Variants in PDE7B observed in about 807,000 individuals in gnomAD.
The protein encoded by PDE7B is 3',5'-cyclic-AMP phosphodiesterase 7B.
In PDE7B, 29 loss-of-function variants were observed where a neutral mutation model predicts 56.2. The ratio of observed to expected loss-of-function variants is 0.52; its 90% CI spans 0.38 to 0.70. PDE7B has a LOEUF of 0.70. PDE7B is among the 30% of genes least tolerant of loss of function. The pLI is 0.00. For synonymous variants in PDE7B, 197 were observed against 196.9 expected (o/e 1.00, Z 0.00); for missense variants, 490 against 565.0 (o/e 0.87, Z 1.35).
At chr6:136,113,289 G>C (rs1777779491) in intron 3 of PDE7B, among the ~76,000 whole-genome samples, 1 of 152,066 alleles carries the variant, frequency 6.6e-6, no homozygotes. Flanking sequence ...GTACAATTTT[G>C]TTAAAAATAA....
intron 1 of PDE7B, among the ~76,000 whole-genome samples, chr6:135,870,296 T>C (rs1031655625): frequency 6.6e-6 from 1 of 152,154 alleles, no homozygotes; most frequent in Admixed American, 6.5e-5. Flanking sequence ...GGAGCTGGGC[T>C]CCTTGGTGGC....
At chr6:135,958,418 A>G (rs1483323651) in intron 2 of PDE7B, among the ~76,000 whole-genome samples, 1 of 152,150 alleles carries the variant, frequency 6.6e-6, no homozygotes, top group East Asian at 1.9e-4. Context: ...CCCCAAAACA[A>G]TGTTAGGCTT....
At chr6:135,991,444 A>T (rs1775478011) in intron 2 of PDE7B, among the ~76,000 whole-genome samples, 1 of 152,118 alleles carries the variant, frequency 6.6e-6, no homozygotes, top group South Asian at 2.1e-4. Context: ...AATTTTTAAA[A>T]AAAGAAAGAA....
intron 3 of PDE7B, among the ~76,000 whole-genome samples, chr6:136,125,569 T>A (rs1778009248): frequency 6.6e-6 from 1 of 151,300 alleles, no homozygotes; most frequent in Non-Finnish European, 1.5e-5. Context: ...ATCCTGTCCC[T>A]AAAAAAAATA....
rs140989515 is a variant in PDE7B at position 136,082,749 on chromosome 6, G to A, written c.83-25982G>A. Among the ~76,000 whole-genome samples, 486 of 152,242 alleles carry A rather than the reference G, an allele frequency of 3.2e-3. 1 individual carries two copies. The highest frequency in any genetic ancestry group is 0.011 in the African/African-American group (448 of 41,548). On this transcript the variant is annotated intron_variant, in intron 2 of 12. Transcript: ENST00000308191. Reference sequence around the variant, plus strand: ...ATCTCACATACAGGAAAATCATACCGGAAGTTATTGGGTAATTCAAGTATC... The same window carrying A: ...ATCTCACATACAGGAAAATCATACCAGAAGTTATTGGGTAATTCAAGTATC...
intron 3 of PDE7B, among the ~76,000 whole-genome samples, chr6:136,114,293 T>C (rs1370306391): frequency 6.6e-6 from 1 of 152,200 alleles, no homozygotes; most frequent in Non-Finnish European, 1.5e-5. Flanking sequence ...TACAAACATA[T>C]ATATTTTTTA....
intron 2 of PDE7B, among the ~76,000 whole-genome samples, chr6:136,060,552 A>G (rs1776820525): frequency 6.6e-6 from 1 of 152,206 alleles, no homozygotes; most frequent in African/African-American, 2.4e-5. Flanking sequence ...AACTTTCATG[A>G]GACAGCAATT....
intron 2 of PDE7B, among the ~76,000 whole-genome samples, chr6:135,958,591 T>G (rs922458152): frequency 1.3e-5 from 2 of 152,130 alleles, no homozygotes; most frequent in Admixed American, 6.6e-5. Flanking sequence ...ATTCACAAAA[T>G]ATAGAAATTT....
intron 8 of PDE7B, among the ~76,000 whole-genome samples, chr6:136,160,932 A>C (rs1449404549): frequency 6.6e-6 from 1 of 152,200 alleles, no homozygotes; most frequent in Non-Finnish European, 1.5e-5. Flanking sequence ...TTCTAAGGGA[A>C]ACAGAAAATA....
chr6:135,877,368 T>C (rs990496731), intron 1 of PDE7B, among the ~76,000 whole-genome samples: 2 of 151,720 alleles, frequency 1.3e-5, no homozygotes, highest in African/African-American at 2.4e-5. Flanking sequence ...CTTTTTTTTT[T>C]TTTTTTTCAC....
intron 2 of PDE7B, among the ~76,000 whole-genome samples, chr6:136,011,908 T>C (rs1451742560): frequency 1.3e-5 from 2 of 152,200 alleles, no homozygotes; most frequent in African/African-American, 4.8e-5. Context: ...GATAATGATT[T>C]AGAATATAGT....
intron 2 of PDE7B, among the ~76,000 whole-genome samples, chr6:136,086,459 A>AT (rs60664189): frequency 0.028 from 4,203 of 152,242 alleles, 186 homozygotes; most frequent in African/African-American, 0.094. Context: ...TCCAAGCTGA[A>AT]TGAGGGAACC....
At chr6:135,997,077 C>T (rs1372637979) in intron 2 of PDE7B, among the ~76,000 whole-genome samples, 1 of 152,014 alleles carries the variant, frequency 6.6e-6, no homozygotes, top group Non-Finnish European at 1.5e-5. Context: ...ACTTTATTCT[C>T]GGTTTTTTTG....
At chr6:136,111,511 G>A (rs532024568) in intron 3 of PDE7B, among the ~76,000 whole-genome samples, 7 of 152,240 alleles carry the variant, frequency 4.6e-5, no homozygotes, top group South Asian at 2.1e-4. Context: ...CGCCCTCCAC[G>A]GTTCCTAACT....
intron 2 of PDE7B, among the ~76,000 whole-genome samples, chr6:136,103,099 T>C (rs1447371262): frequency 2.6e-5 from 4 of 152,036 alleles, no homozygotes; most frequent in African/African-American, 9.7e-5. Flanking sequence ...CATACAAAGC[T>C]CTCTCACCGA....
At chr6:135,904,929 C>A (rs1351907276) in intron 1 of PDE7B, among the ~76,000 whole-genome samples, 1 of 152,156 alleles carries the variant, frequency 6.6e-6, no homozygotes, top group Non-Finnish European at 1.5e-5. Flanking sequence ...TTTTAGGATT[C>A]CTGGAAGTCA....
chr6:135,944,706 T>G (rs910787837), intron 1 of PDE7B, among the ~76,000 whole-genome samples: 4 of 152,150 alleles, frequency 2.6e-5, no homozygotes, highest in Admixed American at 2.0e-4. Context: ...CTGAATTTGT[T>G]TATGGCCAAG....
At chr6:135,890,003 T>A (rs1775782919) in intron 1 of PDE7B, among the ~76,000 whole-genome samples, 1 of 152,046 alleles carries the variant, frequency 6.6e-6, no homozygotes, top group Non-Finnish European at 1.5e-5. Context: ...TCCGCCCACC[T>A]CAGCCTCCCA....
chr6:136,179,341 T>TA lies in PDE7B; in HGVS notation c.948+207dup, dbSNP rs528228141. On this transcript the variant is annotated intron_variant, in intron 10 of 12. Coordinates refer to ENST00000308191, the MANE Select transcript of PDE7B (RefSeq NM_018945.4). ...GGGTGACAGAGTGAGATCCTGTCTC[T>TA]AAAAAAACACAAAACAACAACAACA... Among the ~76,000 whole-genome samples the TA allele has an allele frequency of 3.7e-4, 57 of 152,002 alleles. 1 individual carries two copies. The East Asian group carries it at 0.01, about 28-fold the overall frequency.
Sources: gnomAD v4.1 joint callset for allele counts (sites outside exome capture counted in the v4.1 genomes callset) on GRCh38, gnomAD v4.1.1 for gene constraint, MANE v1.5 for transcripts, NCBI Gene and HGNC (gene_info 2026-07-23, HGNC 2026-07-21) for gene names.